Variants in SLC24A3 observed in about 807,000 individuals in gnomAD.
The protein encoded by SLC24A3 is solute carrier family 24 member 3.
Under a neutral mutation model 75.8 loss-of-function variants are expected in SLC24A3, and 28 were observed. That is an observed-to-expected ratio of 0.37 (90% CI 0.27 to 0.51). SLC24A3 has a LOEUF of 0.51. Among genes scored for constraint, SLC24A3 ranks in the 20% least tolerant of loss-of-function variants. The pLI is 0.94. For missense variants in SLC24A3, 663 were observed against 847.8 expected (o/e 0.78, Z 2.71); for synonymous variants, 372 against 334.1 (o/e 1.11, Z -1.24).
chr20:19,610,592 A>T (rs894076382), intron 6 of SLC24A3, among the ~76,000 whole-genome samples: 1 of 152,174 alleles, frequency 6.6e-6, no homozygotes, highest in Non-Finnish European at 1.5e-5. Flanking sequence ...TTTATTTGGG[A>T]TAGGATCCTA....
intron 15 of SLC24A3, among the ~76,000 whole-genome samples, chr20:19,707,170 A>G (rs2032940399): frequency 6.6e-6 from 1 of 152,212 alleles, no homozygotes; most frequent in Non-Finnish European, 1.5e-5. Context: ...CAGGTCAGCT[A>G]ACACCATTGG....
In SLC24A3 at chr20:19,693,328, C is replaced by G; in HGVS notation, c.1394C>G (p.Pro465Arg). 1 of 1,614,038 alleles carries G rather than the reference C, an allele frequency of 6.2e-7. No individual in the cohort carries two copies. Among genetic ancestry groups the G allele is most frequent in the Non-Finnish European group, 8.5e-7 (1 of 1,180,022 alleles). The change falls in exon 13 of 17, where the codon CCC (proline) becomes CGC (arginine). Residue 465 changes from proline (P) to arginine (R), a missense_variant. Coordinates refer to ENST00000328041, the MANE Select transcript of SLC24A3 (RefSeq NM_020689.4). ...AGTTTCGTCTTATACTTCACTGTAC[C>G]CAACTGCAACAAGCCGCGCTGGGAG... is the stretch of plus-strand genomic sequence containing the variant. ...PLSFVLYFTV[P>R]NCNKPRWEKW...
At chr20:19,503,141 A>G (rs1235595558) in intron 2 of SLC24A3, among the ~76,000 whole-genome samples, 1 of 151,938 alleles carries the variant, frequency 6.6e-6, no homozygotes, top group African/African-American at 2.4e-5. Flanking sequence ...AAGGCAGCAC[A>G]GTGCCCTTCC....
chr20:19,248,547 C>G (rs115672687), intron 1 of SLC24A3, among the ~76,000 whole-genome samples: 312 of 151,956 alleles, frequency 2.1e-3, no homozygotes, highest in African/African-American at 7.1e-3. Flanking sequence ...ACCCTTTTGG[C>G]GGAAATGTAA....
chr20:19,514,158 G>A (rs945784263), intron 2 of SLC24A3, among the ~76,000 whole-genome samples: 2 of 152,192 alleles, frequency 1.3e-5, no homozygotes, highest in African/African-American at 2.4e-5. Flanking sequence ...CTTGTGTCTT[G>A]CACAAATCCT....
At chr20:19,285,082 G>A (rs1983775103) in intron 2 of SLC24A3, among the ~76,000 whole-genome samples, 1 of 151,992 alleles carries the variant, frequency 6.6e-6, no homozygotes, top group South Asian at 2.1e-4. Flanking sequence ...TGAAAACCAG[G>A]AGCACAGAGT....
chr20:19,357,851 A>G (rs1368421647), intron 2 of SLC24A3, among the ~76,000 whole-genome samples: 1 of 152,264 alleles, frequency 6.6e-6, no homozygotes, highest in African/African-American at 2.4e-5. Flanking sequence ...CTGCTAGAGC[A>G]CACTGGACTG....
At chr20:19,253,830 C>G (rs574463481) in intron 1 of SLC24A3, among the ~76,000 whole-genome samples, 2 of 152,308 alleles carry the variant, frequency 1.3e-5, no homozygotes, top group African/African-American at 4.8e-5. Flanking sequence ...CAAAGCAAGA[C>G]CTGACAAGCT....
At chr20:19,534,062 G>A (rs1394649767) in intron 3 of SLC24A3, among the ~76,000 whole-genome samples, 1 of 152,238 alleles carries the variant, frequency 6.6e-6, no homozygotes, top group African/African-American at 2.4e-5. Context: ...GATTCCGGAA[G>A]CCTTTGAATA....
At chr20:19,386,500 A>G (rs755143178) in intron 2 of SLC24A3, among the ~76,000 whole-genome samples, 3 of 152,142 alleles carry the variant, frequency 2.0e-5, no homozygotes, top group Admixed American at 6.5e-5. Context: ...AATAGCTCTT[A>G]GAGTATAAGC....
At chr20:19,355,453 A>G (rs1985662299) in intron 2 of SLC24A3, among the ~76,000 whole-genome samples, 1 of 152,168 alleles carries the variant, frequency 6.6e-6, no homozygotes, top group Non-Finnish European at 1.5e-5. Flanking sequence ...AAACAAGTGC[A>G]ACTTCCTTTG....
At chr20:19,636,453 G>C (rs962019099) in intron 6 of SLC24A3, among the ~76,000 whole-genome samples, 3 of 152,210 alleles carry the variant, frequency 2.0e-5, no homozygotes, top group African/African-American at 7.2e-5. Context: ...TATGTCTAGG[G>C]AGGTTTGTAA....
chr20:19,426,120 T>TA (rs1987001651), intron 2 of SLC24A3, among the ~76,000 whole-genome samples: 1 of 152,194 alleles, frequency 6.6e-6, no homozygotes, highest in South Asian at 2.1e-4. Flanking sequence ...TTCCCAAACT[T>TA]ACTAGTTTAT....
chr20:19,695,818 C>A (rs1243862711), intron 13 of SLC24A3: 1 of 152,134 alleles, frequency 6.6e-6, no homozygotes, highest in Non-Finnish European at 1.5e-5. Context: ...TCCAAGTGTA[C>A]ACATTACGTA....
chr20:19,574,200 TA>T (rs1200126378), intron 3 of SLC24A3, among the ~76,000 whole-genome samples: 3 of 152,348 alleles, frequency 2.0e-5, no homozygotes, highest in African/African-American at 7.2e-5. Flanking sequence ...TTTAAACATA[TA>T]AATGTGATTT....
At chr20:19,634,655 C>T (rs144661071) in intron 6 of SLC24A3, among the ~76,000 whole-genome samples, 9 of 152,164 alleles carry the variant, frequency 5.9e-5, no homozygotes, top group African/African-American at 1.7e-4. Flanking sequence ...CAAAAGTATA[C>T]AGTATGATTC....
intron 6 of SLC24A3, among the ~76,000 whole-genome samples, chr20:19,630,808 C>T (rs1164210177): frequency 6.6e-6 from 1 of 152,124 alleles, no homozygotes; most frequent in Non-Finnish European, 1.5e-5. Flanking sequence ...CTAGAGCAGG[C>T]CAGGATGAAA....
At chr20:19,289,145 C>G (rs1055935539) in intron 2 of SLC24A3, among the ~76,000 whole-genome samples, 1 of 152,142 alleles carries the variant, frequency 6.6e-6, no homozygotes, top group African/African-American at 2.4e-5. Flanking sequence ...AATGTCACCC[C>G]TGGGCTGGGG....
chr20:19,668,268 A>G (rs967056161), intron 8 of SLC24A3, among the ~76,000 whole-genome samples: 3 of 152,216 alleles, frequency 2.0e-5, no homozygotes, highest in Non-Finnish European at 4.4e-5. Context: ...TTCTCATTTA[A>G]TGGATGAAAA....
Sources: allele counts gnomAD v4.1 joint callset (sites outside exome capture counted in the v4.1 genomes callset), GRCh38; gene constraint gnomAD v4.1.1; transcripts MANE v1.5; gene names NCBI Gene and HGNC (gene_info 2026-07-23, HGNC 2026-07-21).